Variants in AGXT observed in about 807,000 individuals in gnomAD.
AGXT encodes the protein L-alanine: glyoxylate aminotransferase 1.
Under a neutral mutation model 46.9 loss-of-function variants are expected in AGXT, and 41 were observed. That is an observed-to-expected ratio of 0.88 (90% CI 0.68 to 1.14). The LOEUF is 1.14. Ranked by LOEUF, AGXT falls within the 50% of genes most tolerant of loss-of-function variation. The pLI is 0.00. For missense variants in AGXT, 525 were observed against 522.7 expected, an observed-to-expected ratio of 1.00 and a Z score of -0.04; for synonymous variants, 244 against 227.9, an observed-to-expected ratio of 1.07 and a Z score of -0.64.
In AGXT at chr2:240,871,439, C is replaced by T. The variant is rs1375257692; in HGVS notation, c.514C>T (p.Leu172Phe). The T allele has an allele frequency of 3.1e-6, 5 of 1,590,308 alleles. No homozygotes were observed. The highest frequency in any genetic ancestry group is 3.3e-4 in the Middle Eastern group (2 of 6,020). Residue 172 changes from leucine (L) to phenylalanine (F), a missense_variant, in exon 4 of 11, where the codon CTC (leucine) becomes TTC (phenylalanine). Transcript: ENST00000307503. ...VLQPLDGFGE[L>F]CHRYKCLLLV... ...GCAGCCCCTTGATGGCTTCGGGGAA[C>T]TCTGCCACAGGTGAGCCTGGCCCCA...
At chr2:240,875,332 GC>G in intron 7 of AGXT, 128 bp downstream of exon 7, 2 of 788,600 alleles carry the variant, frequency 2.5e-6, no homozygotes, top group South Asian at 3.4e-5. Context: ...CCCAACTAGA[GC>G]CCCAGAATCC....
intron 10 of AGXT, 33 bp from the exon 11 acceptor site, chr2:240,878,681 G>A: frequency 6.5e-7 from 1 of 1,534,494 alleles, no homozygotes; most frequent in Non-Finnish European, 8.8e-7. Context: ...TCCCAGGCGG[G>A]AGGCTGACGT....
At chr2:240,871,561 T>A in intron 4 of AGXT, 112 bp downstream of exon 4, 1 of 1,007,376 alleles carries the variant, frequency 9.9e-7, no homozygotes, top group Non-Finnish European at 1.5e-6. Flanking sequence ...CCCCAGCCTC[T>A]GTCACATGGT....
chr2:240,877,659 C>A, intron 9 of AGXT, 27 bp downstream of exon 9: 2 of 1,547,360 alleles, frequency 1.3e-6, no homozygotes, highest in Non-Finnish European at 1.7e-6. Context: ...CATTGGGCAG[C>A]CCTGCACCCA....
At chr2:240,869,106 G>A (rs1252949313) in intron 1 of AGXT, 64 bp from the exon 2 acceptor site, 3 of 1,610,260 alleles carry the variant, frequency 1.9e-6, no homozygotes, top group Non-Finnish European at 2.5e-6. Flanking sequence ...AGGGAAGGGG[G>A]TCACTGCCTC....
In AGXT at chr2:240,878,712, AG is replaced by A; in HGVS notation, c.1072del. On this transcript the variant is annotated splice_acceptor_variant, in intron 10 of 10. Transcript: ENST00000307503. LOFTEE classifies it high-confidence loss of function. ...GACGTCAGCCCGCCCTGTGCCCCCC[AG>A]GTGCTGCGGATCGGCCTGCTGGGCT... The A allele has an allele frequency of 6.4e-7, 1 of 1,552,908 alleles. No individual in the cohort carries two copies. Among genetic ancestry groups the A allele is most frequent in the Non-Finnish European group, 8.7e-7 (1 of 1,152,492 alleles).
chr2:240,876,136 G>A (rs2059023694), intron 8 of AGXT, 132 bp downstream of exon 8: 10 of 1,135,204 alleles, frequency 8.8e-6, no homozygotes, highest in South Asian at 7.9e-5. Flanking sequence ...CTCAGTGGGG[G>A]TGGGGGAGAG....
chr2:240,870,739 G>A (rs1194814365), intron 3 of AGXT, 31 bp downstream of exon 3: 2 of 1,546,836 alleles, frequency 1.3e-6, no homozygotes, highest in Non-Finnish European at 1.7e-6. Context: ...GTCAGGGCCG[G>A]GAGGAGGTGG....
Position 240,868,847 on chromosome 2 carries a change from G to C in AGXT, c.-19G>C. ...CCAGTGCAGCCCCAGGTTCCCGAGC[G>C]GCAGGTTGGGTGCGGACCATGGCCT... On this transcript the variant is annotated 5_prime_UTR_variant, in exon 1 of 11. Transcript: ENST00000307503. 1 of 1,603,532 alleles carries C rather than the reference G, an allele frequency of 6.2e-7. No individual in the cohort carries two copies. The highest frequency in any genetic ancestry group is 8.5e-7 in the Non-Finnish European group (1 of 1,175,864).
Position 240,878,705 on chromosome 2 carries a change from G to A in AGXT, c.1072-9G>A, listed in dbSNP as rs1575713163. The A allele has an allele frequency of 6.5e-7, 1 of 1,548,150 alleles. No individual in the cohort carries two copies. The highest frequency in any genetic ancestry group is 2.4e-5 in the East Asian group (1 of 41,706). On this transcript the variant is annotated splice_polypyrimidine_tract_variant and intron_variant, in intron 10 of 10. Coordinates refer to ENST00000307503, the MANE Select transcript of AGXT (RefSeq NM_000030.3). ...GGAGGCTGACGTCAGCCCGCCCTGT[G>A]CCCCCCAGGTGCTGCGGATCGGCCT...
intron 9 of AGXT, 113 bp downstream of exon 9, chr2:240,877,745 C>A: frequency 1.6e-6 from 2 of 1,250,178 alleles, no homozygotes; most frequent in Admixed American, 2.2e-5. Context: ...GGCGGCTGCC[C>A]GGTGGTGTGG....
At chr2:240,875,002 G>C in intron 6 of AGXT, 107 bp from the exon 7 acceptor site, 1 of 1,059,036 alleles carries the variant, frequency 9.4e-7, no homozygotes, top group Non-Finnish European at 1.4e-6. Flanking sequence ...GGCCCTCCTG[G>C]GGGCCCCACC....
intron 3 of AGXT, 119 bp from the exon 4 acceptor site, chr2:240,871,227 GGGA>G: frequency 4.9e-6 from 4 of 815,008 alleles, no homozygotes; most frequent in Non-Finnish European, 8.2e-6. Context: ...CACACCATCA[GGGA>G]GGAGTAGAGG....
At chr2:240,876,535 T>A (rs2059025615) in intron 8 of AGXT, among the ~76,000 whole-genome samples, 1 of 152,098 alleles carries the variant, frequency 6.6e-6, no homozygotes, top group Non-Finnish European at 1.5e-5. Context: ...GCCCAGCAGC[T>A]CTGCAGGCCA....
chr2:240,871,504 G>A, intron 4 of AGXT, 55 bp downstream of exon 4: 1 of 1,488,688 alleles, frequency 6.7e-7, no homozygotes, highest in Non-Finnish European at 9.1e-7. Context: ...CAGGCTATGG[G>A]GAGGGGTGGG....
At chr2:240,877,428 C>T in intron 8 of AGXT, 109 bp from the exon 9 acceptor site, 1 of 1,105,786 alleles carries the variant, frequency 9.0e-7, no homozygotes, top group Non-Finnish European at 1.3e-6. Context: ...CCAGGGGCTC[C>T]CCTGCACCAA....
At chr2:240,870,735 GC>G in intron 3 of AGXT, 27 bp downstream of exon 3, 1 of 1,550,124 alleles carries the variant, frequency 6.5e-7, no homozygotes. Context: ...GGGGGTCAGG[GC>G]CGGGAGGAGG....
At chr2:240,876,138 G>T (rs991653578) in intron 8 of AGXT, 134 bp downstream of exon 8, 12 of 1,093,436 alleles carry the variant, frequency 1.1e-5, no homozygotes, top group Non-Finnish European at 9.6e-6. Flanking sequence ...CAGTGGGGGT[G>T]GGGGAGAGAG....
At position 240,872,978 on chromosome 2, in the gene AGXT, G is replaced by A. The variant is rs180177234; in HGVS notation, c.525-1G>A. 3 of 1,613,788 alleles carry A rather than the reference G, an allele frequency of 1.9e-6. No individual in the cohort carries two copies. Among genetic ancestry groups the A allele is most frequent in the Non-Finnish European group, 2.5e-6 (3 of 1,179,898 alleles). On this transcript the variant is annotated splice_acceptor_variant, in intron 4 of 10. Transcript: ENST00000307503. LOFTEE classifies it high-confidence loss of function. ...CTCCATTCTGTCCCCCACCTCTCCA[G>A]GTACAAGTGCCTGCTCCTGGTGGAT...
Sources: gnomAD v4.1 joint callset for allele counts (sites outside exome capture counted in the v4.1 genomes callset) on GRCh38, gnomAD v4.1.1 for gene constraint, MANE v1.5 for transcripts, NCBI Gene and HGNC (gene_info 2026-07-23, HGNC 2026-07-21) for gene names.